Variants in HIVEP3 observed in about 807,000 individuals in gnomAD.
The protein encoded by HIVEP3 is HIVEP zinc finger 3, also known as transcription factor HIVEP3.
HIVEP3 carries 49 observed loss-of-function variants against 152.8 expected under a neutral mutation model. The observed-to-expected ratio is 0.32, with a 90% CI of 0.26 to 0.41. The LOEUF is 0.41. Ranked by LOEUF, HIVEP3 falls within the 10% of genes least tolerant of loss-of-function variation. The pLI, the probability that HIVEP3 is intolerant of heterozygous loss-of-function variation, is 1.00. For missense variants in HIVEP3, 2,790 were observed against 3,103.3 expected (o/e 0.90, Z 2.40); for synonymous variants, 1,269 against 1,289.0 (o/e 0.98, Z 0.33).
chr1:41,735,402 T>C lies in HIVEP3; in HGVS notation c.-800-34407A>G, dbSNP rs117535659. Among the ~76,000 whole-genome samples the C allele has an allele frequency of 7.2e-5, 11 of 152,308 alleles. No homozygotes were observed. The East Asian group carries it at 1.7e-3, about 24-fold the overall frequency. On this transcript the variant is annotated intron_variant, in intron 1 of 8. Transcript: ENST00000372583. ...CACTTCTCACATCTGATTGAATCCA[T>C]TTGACAATTCTAGGAGGAGGGCATG...
intron 2 of HIVEP3, among the ~76,000 whole-genome samples, chr1:41,666,461 C>T (rs907111525): frequency 9.2e-5 from 14 of 152,294 alleles, no homozygotes; most frequent in African/African-American, 3.4e-4. Flanking sequence ...TTGACGTTCT[C>T]ATCTCCAAGG....
At chr1:41,591,561 C>A (rs935018537) in intron 3 of HIVEP3, among the ~76,000 whole-genome samples, 1 of 151,992 alleles carries the variant, frequency 6.6e-6, no homozygotes, top group African/African-American at 2.4e-5. Context: ...AAAATCATCA[C>A]GATCCTGGCA....
intron 1 of HIVEP3, among the ~76,000 whole-genome samples, chr1:41,827,424 C>G (rs1340910872): frequency 2.6e-5 from 4 of 152,098 alleles, no homozygotes; most frequent in Non-Finnish European, 5.9e-5. Flanking sequence ...AGTGAATGAC[C>G]CTCTTATGCC....
chr1:41,952,648 T>C (rs1199704385), intron 1 of HIVEP3, among the ~76,000 whole-genome samples: 1 of 152,206 alleles, frequency 6.6e-6, no homozygotes, highest in Non-Finnish European at 1.5e-5. Context: ...TTCACAACTC[T>C]CTTTTCCAGC....
intron 5 of HIVEP3, among the ~76,000 whole-genome samples, chr1:41,568,110 C>T (rs1644196122): frequency 6.6e-6 from 1 of 152,214 alleles, no homozygotes; most frequent in African/African-American, 2.4e-5. Context: ...GGGGACACAG[C>T]AATGAACAAA....
rs1221991522 is a variant in HIVEP3 at position 41,873,498 on chromosome 1, A to G, written c.-801+44915T>C. Among the ~76,000 whole-genome samples the G allele has an allele frequency of 6.6e-6, 1 of 152,162 alleles. No individual in the cohort carries two copies. Among genetic ancestry groups the G allele is most frequent in the Non-Finnish European group, 1.5e-5 (1 of 68,030 alleles). ...ATTAGTATGGAAACTACAAAAACCTATATGTTTACAAAACAACCACTGATC... is the reference window on the plus strand; with the variant it reads ...ATTAGTATGGAAACTACAAAAACCTGTATGTTTACAAAACAACCACTGATC... On this transcript the variant is annotated intron_variant, in intron 1 of 8. Coordinates refer to ENST00000372583, the MANE Select transcript of HIVEP3 (RefSeq NM_024503.5). This position sits in a 1 kb window ranked among gnomAD's most constrained non-coding sequence, Gnocchi z 4.2.
At chr1:41,697,954 A>G (rs963260488) in intron 2 of HIVEP3, among the ~76,000 whole-genome samples, 9 of 152,162 alleles carry the variant, frequency 5.9e-5, no homozygotes, top group African/African-American at 1.9e-4. Flanking sequence ...CACCCTGGCT[A>G]AGCCACTTCA....
intron 1 of HIVEP3, among the ~76,000 whole-genome samples, chr1:41,763,491 C>G (rs1279529726): frequency 6.6e-6 from 1 of 152,212 alleles, no homozygotes; most frequent in Non-Finnish European, 1.5e-5. Context: ...CTGGGAACAG[C>G]CCTGACTTCA....
At chr1:41,531,680 T>G (rs111162023) in intron 5 of HIVEP3, among the ~76,000 whole-genome samples, 166 of 34,328 alleles carry the variant, frequency 4.8e-3, no homozygotes, top group African/African-American at 7.3e-3. Flanking sequence ...ACGGAGGACA[T>G]GAGAGATAGA....
intron 1 of HIVEP3, among the ~76,000 whole-genome samples, chr1:41,889,273 C>A (rs745384299): frequency 6.6e-6 from 1 of 152,160 alleles, no homozygotes; most frequent in African/African-American, 2.4e-5. Flanking sequence ...CAAACTCACA[C>A]ACTTTAAAGT....
At chr1:41,827,174 G>A (rs1642828518) in intron 1 of HIVEP3, among the ~76,000 whole-genome samples, 1 of 152,208 alleles carries the variant, frequency 6.6e-6, no homozygotes. Flanking sequence ...AAACAGGTAA[G>A]CGACATGAAC....
At chr1:41,570,485 C>T (rs1644236589) in intron 5 of HIVEP3, among the ~76,000 whole-genome samples, 1 of 152,086 alleles carries the variant, frequency 6.6e-6, no homozygotes, top group Non-Finnish European at 1.5e-5. Context: ...TGCCACCTTG[C>T]GAAGAAGGTG....
intron 3 of HIVEP3, among the ~76,000 whole-genome samples, chr1:41,620,969 A>C (rs917655619): frequency 6.6e-6 from 1 of 152,176 alleles, no homozygotes; most frequent in African/African-American, 2.4e-5. Context: ...TGGGAGAGGA[A>C]GCCTGTTCCA....
intron 1 of HIVEP3, among the ~76,000 whole-genome samples, chr1:41,966,061 T>C (rs941277507): frequency 6.6e-6 from 1 of 152,180 alleles, no homozygotes; most frequent in African/African-American, 2.4e-5. Flanking sequence ...CAGAAGAGAT[T>C]GGGGGCCAAT....
Position 41,580,775 on chromosome 1 carries a change from G to C in HIVEP3, c.4023C>G (p.Ile1341Met). 6.3e-7 allele frequency: 1 copy of C among 1,579,184 alleles called. No homozygotes were observed. ...AGCTGCCTTGGGACTGGGTGACCAA[G>C]ATCTGGGAAAGGGTGGTGTACATTG... ...GSAMYTTLSQ[I>M]LVTQSQGSSA... Residue 1341 changes from isoleucine (I) to methionine (M), a missense_variant, in exon 4 of 9, where the codon ATC (isoleucine) becomes ATG (methionine). Ile to Met is a conservative substitution (Grantham distance 10). Coordinates refer to ENST00000372583, the MANE Select transcript of HIVEP3 (RefSeq NM_024503.5).
Position 41,582,303 on chromosome 1 carries a change from G to A in HIVEP3, c.2495C>T (p.Pro832Leu). 1 of 1,614,200 alleles carries A rather than the reference G, an allele frequency of 6.2e-7. No individual in the cohort carries two copies. Among genetic ancestry groups the A allele is most frequent in the Non-Finnish European group, 8.5e-7 (1 of 1,180,032 alleles). Reference protein sequence around the residue: ...DKPLAQFPSPPPAPHGRSAHS... With the variant: ...DKPLAQFPSPLPAPHGRSAHS... ...AGCAGAGCGTCCGTGTGGGGCAGGT[G>A]GGGGTGATGGGAACTGGGCCAGAGG... The change falls in exon 4 of 9, where the codon CCA (proline) becomes CTA (leucine). Residue 832 changes from proline to leucine, a missense_variant. Transcript: ENST00000372583. The surrounding 1 kb of genome is among the most constrained non-coding windows in gnomAD (Gnocchi z 4.7).
At chr1:41,787,328 T>C (rs1649408310) in intron 1 of HIVEP3, among the ~76,000 whole-genome samples, 1 of 152,144 alleles carries the variant, frequency 6.6e-6, no homozygotes. Flanking sequence ...CTGCTTTAGC[T>C]TTTAAATGTA....
chr1:41,527,108 TCA>T (rs1224062636), intron 5 of HIVEP3, among the ~76,000 whole-genome samples: 6 of 90,366 alleles, frequency 6.6e-5, no homozygotes, highest in Admixed American at 1.2e-4. Context: ...ACACTCACCC[TCA>T]CACACCCTCT....
intron 1 of HIVEP3, among the ~76,000 whole-genome samples, chr1:41,812,774 G>C (rs1045352678): frequency 6.6e-6 from 1 of 151,448 alleles, no homozygotes; most frequent in Non-Finnish European, 1.5e-5. Flanking sequence ...GTGAAAAACA[G>C]AGTGTCCCCT....
Sources: allele counts gnomAD v4.1 joint callset (sites outside exome capture counted in the v4.1 genomes callset), GRCh38; gene constraint gnomAD v4.1.1; non-coding constraint Gnocchi (gnomAD v3.1); transcripts MANE v1.5; gene names NCBI Gene and HGNC (gene_info 2026-07-23, HGNC 2026-07-21).